ROCK1: variants seen among roughly 807,000 people sequenced by gnomAD.
ROCK1 encodes the protein rho-associated protein kinase 1.
A neutral mutation model predicts 196.8 loss-of-function variants in ROCK1; 36 were observed. The ratio of observed to expected loss-of-function variants is 0.18; its 90% CI spans 0.14 to 0.24. The LOEUF is 0.24. Among genes scored for constraint, ROCK1 ranks in the 10% least tolerant of loss-of-function variants. The pLI is 1.00. For missense variants in ROCK1, 920 were observed against 1,562.0 expected, an observed-to-expected ratio of 0.59 and a Z score of 6.93; for synonymous variants, 443 against 515.9, an observed-to-expected ratio of 0.86 and a Z score of 1.91.
intron 13 of ROCK1, among the ~76,000 whole-genome samples, chr18:21,010,424 A>C (rs193124240): frequency 1.7e-4 from 26 of 152,376 alleles, no homozygotes; most frequent in Admixed American, 5.9e-4. Context: ...TTGTAAAGAT[A>C]AAGAGCCATA....
At position 21,078,369 on chromosome 18, in the gene ROCK1, CACACAGAGAGAGAG is replaced by C. The variant is rs1400214789; in HGVS notation, c.94-7770_94-7757del. Among the ~76,000 whole-genome samples the C allele has an allele frequency of 2.1e-4, 31 of 148,452 alleles. No homozygotes were observed. The Middle Eastern group carries it at 0.014, about 66-fold the overall frequency. Reference sequence around the variant, plus strand: ...ACACACACACACACACACACACACACACACAGAGAGAGAGAGAGAGAGAGAGAGAGAACCTAGTG... The same window carrying C: ...ACACACACACACACACACACACACACAGAGAGAGAGAGAGAGAACCTAGTG... On this transcript the variant is annotated intron_variant, in intron 1 of 32. Transcript: ENST00000399799.
At chr18:21,053,381 C>T (rs1028206558) in intron 2 of ROCK1, among the ~76,000 whole-genome samples, 61 of 152,008 alleles carry the variant, frequency 4.0e-4, no homozygotes, top group African/African-American at 1.4e-3. Flanking sequence ...CTCACTGTTG[C>T]TGTCCTATGA....
chr18:20,960,344 G>T, intron 27 of ROCK1, 138 bp from the exon 28 acceptor site: 1 of 582,548 alleles, frequency 1.7e-6, no homozygotes, highest in Non-Finnish European at 3.1e-6. Context: ...GCTCTTCCAT[G>T]CTTCAATCAC....
rs9954965 is a variant in ROCK1 at position 21,002,620 on chromosome 18, A to G, written c.1885+3731T>C. On this transcript the variant is annotated intron_variant, in intron 16 of 32. Transcript: ENST00000399799. ...TATTCCAATTAACAAATGAAGGAAG[A>G]TGGATAAAAATAGATGATCACCACT... Among the ~76,000 whole-genome samples the G allele has an allele frequency of 9.9e-3, 1,502 of 152,318 alleles. 18 individuals are homozygous for G. The highest frequency in any genetic ancestry group is 0.034 in the African/African-American group (1,434 of 41,566).
chr18:21,096,867 G>C (rs2036617231), intron 1 of ROCK1, among the ~76,000 whole-genome samples: 2 of 152,160 alleles, frequency 1.3e-5, no homozygotes, highest in Non-Finnish European at 2.9e-5. Flanking sequence ...CATTAGGTAA[G>C]ATTAACAAAC....
chr18:20,967,440 G>C (rs1253266127), intron 26 of ROCK1, among the ~76,000 whole-genome samples: 2 of 152,088 alleles, frequency 1.3e-5, no homozygotes, highest in African/African-American at 4.8e-5. Context: ...TTAGATCTAA[G>C]TGCCCGAGAC....
intron 8 of ROCK1, 148 bp from the exon 9 acceptor site, chr18:21,039,711 C>A: frequency 1.4e-5 from 8 of 556,286 alleles, no homozygotes; most frequent in South Asian, 8.5e-5. Context: ...TAGTATCAGC[C>A]CAAATAGAAA....
At chr18:21,036,500 A>G (rs2036058560) in intron 9 of ROCK1, among the ~76,000 whole-genome samples, 1 of 152,228 alleles carries the variant, frequency 6.6e-6, no homozygotes, top group Non-Finnish European at 1.5e-5. Context: ...GCTGGAATGC[A>G]GTAGCATTAT....
chr18:21,003,747 A>G (rs1204063837), intron 16 of ROCK1, among the ~76,000 whole-genome samples: 1 of 152,126 alleles, frequency 6.6e-6, no homozygotes, highest in African/African-American at 2.4e-5. Flanking sequence ...GGAAAATCCA[A>G]AAATCCAAAA....
At chr18:20,991,076 C>A (rs2035621179) in intron 18 of ROCK1, 100 bp downstream of exon 18, 1 of 911,472 alleles carries the variant, frequency 1.1e-6, no homozygotes, top group Non-Finnish European at 1.7e-6. Context: ...TTATATTATA[C>A]TTTCTACGAG....
chr18:20,978,515 T>C (rs2035501182), intron 22 of ROCK1, among the ~76,000 whole-genome samples: 1 of 152,164 alleles, frequency 6.6e-6, no homozygotes, highest in Non-Finnish European at 1.5e-5. Flanking sequence ...GACTAGTACA[T>C]CTGAGGAACT....
chr18:21,110,000 C>A (rs1460442793), intron 1 of ROCK1, among the ~76,000 whole-genome samples: 1 of 152,076 alleles, frequency 6.6e-6, no homozygotes, highest in East Asian at 1.9e-4. Context: ...AAACTCTGAA[C>A]AACTTTGATA....
rs377032294 is a variant in ROCK1 at position 21,056,588 on chromosome 18, T to C, written c.176-6708A>G. Among the ~76,000 whole-genome samples the C allele has an allele frequency of 3.6e-4, 55 of 152,312 alleles. 1 individual carries two copies. In the South Asian group the frequency reaches 4.1e-3, roughly 11 times the overall value. ...ATTACTGTGATAGACTCTTAACTGA[T>C]TGCCCTGTGTCTATTCTCAACATAG... On this transcript the variant is annotated intron_variant, in intron 2 of 32. Coordinates refer to ENST00000399799, the MANE Select transcript of ROCK1 (RefSeq NM_005406.3).
At position 21,008,167 on chromosome 18, in the gene ROCK1, T is replaced by A. The variant is rs768863004; in HGVS notation, c.1438A>T (p.Thr480Ser). 3 of 1,584,510 alleles carry A rather than the reference T, an allele frequency of 1.9e-6. No individual in the cohort carries two copies. Among genetic ancestry groups the A allele is most frequent in the Admixed American group, 1.8e-5 (1 of 56,488 alleles). The change falls in exon 14 of 33, where the codon ACA becomes TCA. Residue 480 changes from threonine to serine, a missense_variant. Transcript: ENST00000399799. ...TTCTCCTTCTCAATCTGAGACACTG[T>A]AGATTCTAGATTTCTTCTTTGATTT... ...EGNQRRNLESTVSQIEKEKML... is the reference protein window; with the variant it reads ...EGNQRRNLESSVSQIEKEKML...
chr18:21,093,115 T>A (rs2036584731), intron 1 of ROCK1, among the ~76,000 whole-genome samples: 1 of 152,140 alleles, frequency 6.6e-6, no homozygotes, highest in Admixed American at 6.5e-5. Context: ...CAGATATGGG[T>A]ACATTATATC....
At chr18:21,025,245 T>C (rs1321884294) in intron 10 of ROCK1, among the ~76,000 whole-genome samples, 3 of 152,212 alleles carry the variant, frequency 2.0e-5, no homozygotes, top group African/African-American at 7.2e-5. Context: ...GTTACTATAT[T>C]AGGAATATAG....
chr18:21,070,634 T>C (rs373572789), intron 1 of ROCK1, 21 bp from the exon 2 acceptor site: 81 of 1,547,476 alleles, frequency 5.2e-5, no homozygotes, highest in Non-Finnish European at 6.6e-5. Context: ...AAACAAACAA[T>C]GGTTAGTTTT....
intron 6 of ROCK1, 66 bp from the exon 7 acceptor site, chr18:21,042,775 C>A: frequency 6.9e-7 from 1 of 1,452,180 alleles, no homozygotes; most frequent in Non-Finnish European, 9.4e-7. Context: ...AAATGACTTT[C>A]TTATTAATAT....
chr18:21,103,049 T>C (rs1429785687), intron 1 of ROCK1, among the ~76,000 whole-genome samples: 1 of 152,156 alleles, frequency 6.6e-6, no homozygotes, highest in Non-Finnish European at 1.5e-5. Flanking sequence ...AATTTGAACA[T>C]CTACCTTCCT....
Sources: gnomAD v4.1 joint callset for allele counts (sites outside exome capture counted in the v4.1 genomes callset) on GRCh38, gnomAD v4.1.1 for gene constraint, MANE v1.5 for transcripts, NCBI Gene and HGNC (gene_info 2026-07-23, HGNC 2026-07-21) for gene names.